Variants in JARID2 observed in about 807,000 individuals in gnomAD.
The protein encoded by JARID2 is protein Jumonji.
A neutral mutation model predicts 125.6 loss-of-function variants in JARID2; 21 were observed. That is an observed-to-expected ratio of 0.17 (90% CI 0.12 to 0.24). The LOEUF (loss-of-function observed/expected upper bound fraction) is 0.24. JARID2 is among the 10% of genes least tolerant of loss of function. JARID2 has a pLI of 1.00. For missense variants in JARID2, 1,303 were observed against 1,639.6 expected (o/e 0.79, Z 3.55); for synonymous variants, 736 against 661.6 (o/e 1.11, Z -1.73).
chr6:15,436,795 G>A (rs573612030), intron 3 of JARID2, among the ~76,000 whole-genome samples: 6 of 151,490 alleles, frequency 4.0e-5, no homozygotes, highest in Non-Finnish European at 7.4e-5. Flanking sequence ...ACTCCTGCTT[G>A]GAAGGCTTTT....
At chr6:15,321,005 C>T (rs745635760) in intron 1 of JARID2, among the ~76,000 whole-genome samples, 5 of 151,550 alleles carry the variant, frequency 3.3e-5, no homozygotes, top group African/African-American at 7.3e-5. Flanking sequence ...GGATGGGAGG[C>T]GGTGTATCAT....
chr6:15,293,719 C>T (rs1761308124), intron 1 of JARID2, among the ~76,000 whole-genome samples: 1 of 152,230 alleles, frequency 6.6e-6, no homozygotes, highest in African/African-American at 2.4e-5. Context: ...TCCTCACAGC[C>T]TGTGCCGGAT....
intron 6 of JARID2, among the ~76,000 whole-genome samples, chr6:15,495,562 A>G (rs1561902927): frequency 6.6e-6 from 1 of 152,190 alleles, no homozygotes; most frequent in African/African-American, 2.4e-5. Context: ...CCACATGAGC[A>G]CTGCTGTTCT....
intron 1 of JARID2, among the ~76,000 whole-genome samples, chr6:15,283,438 TCA>T (rs1472630316): frequency 1.3e-5 from 2 of 149,520 alleles, no homozygotes; most frequent in African/African-American, 5.0e-5. Context: ...CCTCCTGGGT[TCA>T]TGCCATTCTC....
At chr6:15,270,641 G>A (rs1760260287) in intron 1 of JARID2, among the ~76,000 whole-genome samples, 1 of 152,146 alleles carries the variant, frequency 6.6e-6, no homozygotes, top group African/African-American at 2.4e-5. Flanking sequence ...TTAGGTTCTT[G>A]CTCTGCCTTG....
chr6:15,264,326 A>C (rs542996962), intron 1 of JARID2, among the ~76,000 whole-genome samples: 125 of 152,304 alleles, frequency 8.2e-4, no homozygotes, highest in South Asian at 7.0e-3. Context: ...GTTCATTGTC[A>C]AAAAATTCTT....
intron 5 of JARID2, among the ~76,000 whole-genome samples, chr6:15,476,164 T>C (rs994523948): frequency 6.6e-6 from 1 of 152,212 alleles, no homozygotes; most frequent in African/African-American, 2.4e-5. Flanking sequence ...AACAAAAGTA[T>C]GGAAAACTGA....
chr6:15,347,969 G>A (rs2127477282), intron 1 of JARID2, among the ~76,000 whole-genome samples: 1 of 152,272 alleles, frequency 6.6e-6, no homozygotes, highest in Non-Finnish European at 1.5e-5. Flanking sequence ...GCCCAGGCTG[G>A]TCTTGAACTC....
At chr6:15,464,266 C>T (rs1768601188) in intron 4 of JARID2, among the ~76,000 whole-genome samples, 1 of 152,202 alleles carries the variant, frequency 6.6e-6, no homozygotes, top group Admixed American at 6.5e-5. Flanking sequence ...AGTGGACATT[C>T]CAGCAGAATT....
chr6:15,398,543 T>G (rs149999416), intron 2 of JARID2, among the ~76,000 whole-genome samples: 1 of 152,356 alleles, frequency 6.6e-6, no homozygotes, highest in African/African-American at 2.4e-5. Flanking sequence ...GTAAACAGTC[T>G]AAAACTTATG....
intron 1 of JARID2, among the ~76,000 whole-genome samples, chr6:15,299,372 G>A (rs1470513688): frequency 1.3e-5 from 2 of 152,178 alleles, no homozygotes; most frequent in African/African-American, 4.8e-5. Context: ...AGGAAGGGAT[G>A]ACTGGGATCA....
intron 3 of JARID2, among the ~76,000 whole-genome samples, chr6:15,437,843 G>A (rs1291457014): frequency 6.6e-6 from 1 of 152,178 alleles, no homozygotes; most frequent in Non-Finnish European, 1.5e-5. Flanking sequence ...ATGGGATGTG[G>A]GGGGCAAAAG....
chr6:15,392,891 G>T (rs992904336), intron 2 of JARID2, among the ~76,000 whole-genome samples: 3 of 151,996 alleles, frequency 2.0e-5, no homozygotes, highest in Non-Finnish European at 2.9e-5. Context: ...CACCATGTTG[G>T]CCAGACTGGT....
chr6:15,410,457 C>T lies in JARID2; in HGVS notation c.323+92C>T, dbSNP rs1581520335. 20 of 1,256,694 alleles carry T rather than the reference C, an allele frequency of 1.6e-5. No homozygotes were observed. In the East Asian group the frequency reaches 4.2e-4, roughly 27 times the overall value. 77.8% of individuals were successfully genotyped at this position (1,256,694 alleles called of 1,614,324 possible). Reference sequence around the variant, plus strand: ...CACCACATGATAACGTGAGCCCATTCACCCAATCTCTTGATTTTCATAGAG... The same window carrying T: ...CACCACATGATAACGTGAGCCCATTTACCCAATCTCTTGATTTTCATAGAG... On this transcript the variant is annotated intron_variant, in intron 3 of 17. Transcript: ENST00000341776.
Position 15,392,269 on chromosome 6 carries a change from G to T in JARID2, c.182-17955G>T, listed in dbSNP as rs548226881. Among the ~76,000 whole-genome samples the T allele has an allele frequency of 2.6e-5, 4 of 152,230 alleles. No individual in the cohort carries two copies. In the South Asian group the frequency reaches 8.3e-4, roughly 32 times the overall value. The stretch of plus-strand genomic sequence containing the variant: ...TACGAAGTTTTCCTTACAGTTTTTA[G>T]TTTTCTGAATAAGCCTGGGGCTCTT... On this transcript the variant is annotated intron_variant, in intron 2 of 17. Transcript: ENST00000341776.
Position 15,496,369 on chromosome 6 carries a change from A to G in JARID2, c.1144A>G (p.Ser382Gly), listed in dbSNP as rs781304563. Residue 382 changes from serine (S) to glycine (G), a missense_variant, in exon 7 of 18, where the codon AGC (serine) becomes GGC (glycine). By Grantham distance (56) the Ser-to-Gly change is moderately conservative (BLOSUM62 0). This residue lies in a region of JARID2 where 651 missense variants were observed against 581.6 expected (regional missense o/e 1.12). Transcript: ENST00000341776. ...NHTISGKTES[S>G]NAKTRKQVLS... The stretch of plus-strand genomic sequence containing the variant: ...CACAATCTCAGGGAAAACTGAAAGT[A>G]GCAATGCAAAAACCCGCAAACAGGT... The G allele has an allele frequency of 6.8e-6, 11 of 1,614,082 alleles. No homozygotes were observed. Among genetic ancestry groups the G allele is most frequent in the African/African-American group, 1.3e-5 (1 of 74,932 alleles).
At chr6:15,256,995 G>A (rs1350053904) in intron 1 of JARID2, among the ~76,000 whole-genome samples, 2 of 152,114 alleles carry the variant, frequency 1.3e-5, no homozygotes, top group East Asian at 3.8e-4. Flanking sequence ...AATTTTGGAC[G>A]CTATAATTTT....
intron 1 of JARID2, among the ~76,000 whole-genome samples, chr6:15,367,657 A>C (rs1764026642): frequency 6.6e-6 from 1 of 152,208 alleles, no homozygotes; most frequent in East Asian, 1.9e-4. Flanking sequence ...AATAACTAAA[A>C]GTTTCACGAT....
At chr6:15,374,292 A>T (rs745430534) in intron 2 of JARID2, 40 bp downstream of exon 2, 1 of 1,604,658 alleles carries the variant, frequency 6.2e-7, no homozygotes, top group South Asian at 1.1e-5. Context: ...AATGTACAAT[A>T]TCTCTGGGCG....
Sources: allele counts gnomAD v4.1 joint callset (sites outside exome capture counted in the v4.1 genomes callset), GRCh38; gene constraint gnomAD v4.1.1; regional missense constraint gnomAD v4.1.1; transcripts MANE v1.5; gene names NCBI Gene and HGNC (gene_info 2026-07-23, HGNC 2026-07-21).